The following CTCF variants were observed in gnomAD, a reference collection of about 807,000 sequenced individuals.
The protein encoded by CTCF is transcriptional repressor CTCF.
CTCF carries 7 observed loss-of-function variants against 72.3 expected under a neutral mutation model. The ratio of observed to expected loss-of-function variants is 0.10; its 90% CI spans 0.06 to 0.18. The LOEUF (loss-of-function observed/expected upper bound fraction) is 0.18, where lower values mean the gene tolerates loss of function less well. Ranked by LOEUF, CTCF falls within the 10% of genes least tolerant of loss-of-function variation. The probability of loss-of-function intolerance (pLI) is 1.00; values close to 1 mark genes in which losing one functional copy is unlikely to be tolerated. For missense variants in CTCF, 516 were observed against 949.1 expected, an observed-to-expected ratio of 0.54 and a Z score of 6.00; for synonymous variants, 374 against 315.8, an observed-to-expected ratio of 1.18 and a Z score of -1.95.
chr16:67,575,583 T>C (rs2142727159), intron 2 of CTCF, among the ~76,000 whole-genome samples: 1 of 152,176 alleles, frequency 6.6e-6, no homozygotes, highest in South Asian at 2.1e-4. Context: ...TAGCTAGGAC[T>C]ACAGGTGCGC....
rs576855496 is a variant in CTCF at position 67,609,905 on chromosome 16, C to T, written c.-9-919C>T. 5.9e-5 allele frequency among the ~76,000 whole-genome samples: 9 copies of T among 152,254 alleles called. No homozygotes were observed. In the South Asian group the frequency reaches 1.4e-3, roughly 25 times the overall value. Reference sequence around the variant, plus strand: ...CCTCCCAAAGTGCTGGGATTACAGGCGTGAGCCACCGTGCCCGGCCTGGCC... The same window carrying T: ...CCTCCCAAAGTGCTGGGATTACAGGTGTGAGCCACCGTGCCCGGCCTGGCC... On this transcript the variant is annotated intron_variant, in intron 2 of 11. Transcript: ENST00000264010.
At position 67,576,944 on chromosome 16, in the gene CTCF, G is replaced by A. The variant is rs60853042; in HGVS notation, c.-10+5680G>A. Reference sequence around the variant, plus strand: ...CAAACAATATGTATGGTATGATCTCGTGAGAGTAAGTATATGTATATATTG... The same window carrying A: ...CAAACAATATGTATGGTATGATCTCATGAGAGTAAGTATATGTATATATTG... On this transcript the variant is annotated intron_variant, in intron 2 of 11. Transcript: ENST00000264010. Among the ~76,000 whole-genome samples, 1,316 of 152,242 alleles carry A rather than the reference G, an allele frequency of 8.6e-3. 16 individuals are homozygous for A. Among genetic ancestry groups the A allele is most frequent in the African/African-American group, 0.029 (1,192 of 41,554 alleles).
At position 67,629,798 on chromosome 16, in the gene CTCF, G is replaced by A. The variant is rs145551445; in HGVS notation, c.1837+265G>A. 0.041 allele frequency among the ~76,000 whole-genome samples: 2,427 copies of A among 58,596 alleles called. 129 individuals carry two copies. Among genetic ancestry groups the A allele is most frequent in the African/African-American group, 0.14 (2,270 of 15,920 alleles). 38.4% of individuals were successfully genotyped at this position (58,596 alleles called of 152,430 possible). Reference sequence around the variant, plus strand: ...TTTTTTTTTTTTTTTTTTTTGAGACGGAGTCTCGCTCTGTCGCCCAGGCTG... The same window carrying A: ...TTTTTTTTTTTTTTTTTTTTGAGACAGAGTCTCGCTCTGTCGCCCAGGCTG... On this transcript the variant is annotated intron_variant, in intron 10 of 11. Transcript: ENST00000264010.
intron 2 of CTCF, among the ~76,000 whole-genome samples, chr16:67,582,983 CTTTT>C (rs550423023): frequency 2.9e-5 from 4 of 136,024 alleles, no homozygotes; most frequent in African/African-American, 5.4e-5. Context: ...TCTTATTTTT[CTTTT>C]TTTTTTTTTT....
chr16:67,626,174 T>C (rs2052284791), intron 7 of CTCF, among the ~76,000 whole-genome samples: 1 of 152,078 alleles, frequency 6.6e-6, no homozygotes, highest in African/African-American at 2.4e-5. Context: ...GCGCAGTGGC[T>C]CACACCTATA....
chr16:67,604,742 T>TG (rs1401506474), intron 2 of CTCF, among the ~76,000 whole-genome samples: 16 of 125,166 alleles, frequency 1.3e-4, no homozygotes, highest in African/African-American at 5.3e-4. Flanking sequence ...TTTTTTTTTT[T>TG]TTGTTTTTTG....
chr16:67,606,969 T>C (rs2051982391), intron 2 of CTCF, among the ~76,000 whole-genome samples: 2 of 152,002 alleles, frequency 1.3e-5, no homozygotes, highest in South Asian at 4.2e-4. Context: ...TATTATTTTT[T>C]TGAGACAGAG....
rs2052290336 is a variant in CTCF at position 67,626,576 on chromosome 16, A to G, written c.1379A>G (p.His460Arg). The G allele has an allele frequency of 6.6e-7, 1 of 1,517,852 alleles. No individual in the cohort carries two copies. Among genetic ancestry groups the G allele is most frequent in the Non-Finnish European group, 8.9e-7 (1 of 1,127,330 alleles). The allele number at this position is 1,517,852 out of a possible 1,614,324, so 94.0% of individuals were successfully genotyped here. A position where few individuals can be genotyped will look rare whatever the true frequency, so the allele number is the denominator to read the frequency against. ...TCAGGTGTCCACTTGCGAAAGCAGC[A>G]TTCCTATATTGAGCAAGGCAAGAAA... Reference protein sequence around the residue: ...SDLGVHLRKQHSYIEQGKKCR... With the variant: ...SDLGVHLRKQRSYIEQGKKCR... Residue 460 changes from histidine to arginine, a missense_variant, in exon 8 of 12, where the codon CAT (histidine) becomes CGT (arginine). Transcript: ENST00000264010.
chr16:67,600,537 T>A (rs2051872718), intron 2 of CTCF, among the ~76,000 whole-genome samples: 1 of 152,058 alleles, frequency 6.6e-6, no homozygotes, highest in Admixed American at 6.6e-5. Flanking sequence ...GCCTGGCTAA[T>A]GTGTGTTTTT....
intron 2 of CTCF, among the ~76,000 whole-genome samples, chr16:67,605,402 C>T (rs1436034346): frequency 3.9e-5 from 6 of 152,210 alleles, no homozygotes; most frequent in Non-Finnish European, 2.9e-5. Flanking sequence ...TTTGTCCCCA[C>T]TGTCATGGAA....
At chr16:67,625,503 C>A (rs764666394) in intron 7 of CTCF, among the ~76,000 whole-genome samples, 1 of 152,190 alleles carries the variant, frequency 6.6e-6, no homozygotes, top group Non-Finnish European at 1.5e-5. Flanking sequence ...CCTGCCAACT[C>A]TTAGACTTCT....
At chr16:67,577,689 C>T (rs901512452) in intron 2 of CTCF, among the ~76,000 whole-genome samples, 4 of 151,856 alleles carry the variant, frequency 2.6e-5, no homozygotes, top group East Asian at 1.9e-4. Flanking sequence ...CCTTGTGATC[C>T]GTCCACCTCG....
At chr16:67,611,731 C>T in intron 3 of CTCF, 118 bp downstream of exon 3, 1 of 1,089,016 alleles carries the variant, frequency 9.2e-7, no homozygotes, top group Non-Finnish European at 1.3e-6. Context: ...TATGTGGGTA[C>T]CGTTCTTTAA....
intron 7 of CTCF, among the ~76,000 whole-genome samples, chr16:67,624,921 T>C (rs2052262483): frequency 6.6e-6 from 1 of 151,826 alleles, no homozygotes; most frequent in Admixed American, 6.6e-5. Context: ...TGTGTGTATG[T>C]GTGCTTGTGT....
At chr16:67,588,120 A>G (rs1404707085) in intron 2 of CTCF, among the ~76,000 whole-genome samples, 1 of 152,150 alleles carries the variant, frequency 6.6e-6, no homozygotes, top group Non-Finnish European at 1.5e-5. Context: ...GGTCTCCCAA[A>G]GTGCTGGGAT....
chr16:67,637,770 T>G lies in CTCF; in HGVS notation c.2082T>G (p.Ala694=), dbSNP rs946281557. 5.6e-6 allele frequency: 9 copies of G among 1,613,440 alleles called. No homozygotes were observed. The highest frequency in any genetic ancestry group is 7.6e-6 in the Non-Finnish European group (9 of 1,180,048). ...TTGAAGTAAAAAAAGAGCCAGATGC[T>G]GAGCCCGCAGAGGGAGAGGAAGAGG... ...IIVEVKKEPD[A]EPAEGEEEEA... Residue 694 remains alanine (A), a synonymous_variant, in exon 12 of 12, where the codon GCT becomes GCG. Transcript: ENST00000264010.
intron 2 of CTCF, among the ~76,000 whole-genome samples, chr16:67,591,081 T>C (rs1292764383): frequency 1.3e-5 from 2 of 150,948 alleles, no homozygotes; most frequent in Admixed American, 6.6e-5. Flanking sequence ...TCACTTGAGG[T>C]CAGGAGTTTG....
intron 2 of CTCF, among the ~76,000 whole-genome samples, chr16:67,586,018 A>AT (rs1391324125): frequency 6.6e-6 from 1 of 152,048 alleles, no homozygotes; most frequent in East Asian, 1.9e-4. Flanking sequence ...TATTGCCTGC[A>AT]TTTTTTTGTT....
intron 2 of CTCF, among the ~76,000 whole-genome samples, chr16:67,575,731 C>T (rs2051487782): frequency 6.6e-6 from 1 of 152,076 alleles, no homozygotes; most frequent in Non-Finnish European, 1.5e-5. Flanking sequence ...GCGTGAGCCA[C>T]CGCGCCCAGC....
Sources: gnomAD v4.1 joint callset for allele counts (sites outside exome capture counted in the v4.1 genomes callset) on GRCh38, gnomAD v4.1.1 for gene constraint, MANE v1.5 for transcripts, NCBI Gene and HGNC (gene_info 2026-07-23, HGNC 2026-07-21) for gene names.